The following NTNG2 variants were observed in gnomAD, a reference collection of about 807,000 sequenced individuals.
NTNG2 encodes netrin-G2.
Under a neutral mutation model 47.6 loss-of-function variants are expected in NTNG2, and 15 were observed. The ratio of observed to expected loss-of-function variants is 0.32; its 90% confidence interval spans 0.21 to 0.49. NTNG2 has a LOEUF of 0.49. Among genes scored for constraint, NTNG2 ranks in the 20% least tolerant of loss-of-function variants. The pLI, the probability that NTNG2 is intolerant of heterozygous loss-of-function variation, is 0.99. For synonymous variants in NTNG2, 307 were observed against 324.6 expected (o/e 0.95, Z 0.58); for missense variants, 578 against 764.6 (o/e 0.76, Z 2.88).
In NTNG2 at chr9:132,208,184, G is replaced by T. The variant is rs1051177429; in HGVS notation, c.857+9575G>T. Among the ~76,000 whole-genome samples, 1 of 152,028 alleles carries T rather than the reference G, an allele frequency of 6.6e-6. No homozygotes were observed. Among genetic ancestry groups the T allele is most frequent in the Non-Finnish European group, 1.5e-5 (1 of 67,990 alleles). ...GGGGTCAGGGAAGGCCCTCCAGGGAGGGGGGCTTTGAAGGAGAAACCTGAA... is the reference window on the plus strand; with the variant it reads ...GGGGTCAGGGAAGGCCCTCCAGGGATGGGGGCTTTGAAGGAGAAACCTGAA... On this transcript the variant is annotated intron_variant, in intron 3 of 7. Transcript: ENST00000393229. The surrounding 1 kb of genome is among the most constrained non-coding windows in gnomAD (Gnocchi z 4.0).
Position 132,231,519 on chromosome 9 carries a change from G to A in NTNG2, c.1054+924G>A. 2.8e-6 allele frequency: 1 copy of A among 354,906 alleles called. No homozygotes were observed. The highest frequency in any genetic ancestry group is 5.6e-6 in the Non-Finnish European group (1 of 179,606). The allele number at this position is 354,906 out of a possible 1,614,324, so 22.0% of individuals were successfully genotyped here. On this transcript the variant is annotated intron_variant, in intron 5 of 7. Coordinates refer to ENST00000393229, the MANE Select transcript of NTNG2 (RefSeq NM_032536.4). The surrounding 1 kb of genome is among the most constrained non-coding windows in gnomAD (Gnocchi z 4.1). Reference sequence around the variant, plus strand: ...GCTGGGAAGCCAGTGAGCCGAGAGGGCGCCAGAAAGAAGCTGGACCCTGCA... The same window carrying A: ...GCTGGGAAGCCAGTGAGCCGAGAGGACGCCAGAAAGAAGCTGGACCCTGCA...
intron 3 of NTNG2, among the ~76,000 whole-genome samples, chr9:132,224,838 C>T (rs1272608994): frequency 6.6e-6 from 1 of 152,206 alleles, no homozygotes; most frequent in African/African-American, 2.4e-5. Context: ...ACTGCAGTTA[C>T]CAACTAGTGA....
intron 3 of NTNG2, among the ~76,000 whole-genome samples, chr9:132,209,817 G>A (rs1054364651): frequency 1.5e-4 from 23 of 151,414 alleles, no homozygotes; most frequent in African/African-American, 5.6e-4. Flanking sequence ...GCTGCTGGGG[G>A]AATGGGGAGG....
chr9:132,199,465 G>A (rs1838575992), intron 3 of NTNG2, among the ~76,000 whole-genome samples: 3 of 152,222 alleles, frequency 2.0e-5, no homozygotes, highest in Non-Finnish European at 4.4e-5. Context: ...TCCCAGTGGG[G>A]TTGTGCAGGC....
At chr9:132,195,474 A>ATTTT (rs56733654) in intron 2 of NTNG2, among the ~76,000 whole-genome samples, 4 of 80,130 alleles carry the variant, frequency 5.0e-5, no homozygotes, top group East Asian at 3.4e-4. Flanking sequence ...ACGCCTGGCT[A>ATTTT]TTTTTTTTTT....
At chr9:132,164,549 A>G (rs1281334269) in intron 1 of NTNG2, among the ~76,000 whole-genome samples, 1 of 152,262 alleles carries the variant, frequency 6.6e-6, no homozygotes, top group Admixed American at 6.5e-5. Context: ...TGCTCTGGGC[A>G]GCGCGAGCTC....
intron 4 of NTNG2, among the ~76,000 whole-genome samples, chr9:132,227,635 A>T (rs1360341181): frequency 6.6e-6 from 1 of 151,986 alleles, no homozygotes; most frequent in African/African-American, 2.4e-5. Context: ...CTTTTTACAG[A>T]TGTGTCCTCT....
Position 132,202,464 on chromosome 9 carries a change from G to A in NTNG2, c.857+3855G>A, listed in dbSNP as rs116829490. Among the ~76,000 whole-genome samples the A allele has an allele frequency of 5.0e-3, 762 of 152,304 alleles. 2 individuals are homozygous for A. Among genetic ancestry groups the A allele is most frequent in the Non-Finnish European group, 8.6e-3 (588 of 68,002 alleles). On this transcript the variant is annotated intron_variant, in intron 3 of 7. Coordinates refer to ENST00000393229, the MANE Select transcript of NTNG2 (RefSeq NM_032536.4). ...ACAGGCACCCGCAAGTCCCAGCCAC[G>A]CCCCCTCCCTGCCTCCCGCGGAGCC... is the stretch of plus-strand genomic sequence containing the variant.
At chr9:132,164,909 C>T (rs1396333347) in intron 1 of NTNG2, among the ~76,000 whole-genome samples, 1 of 152,204 alleles carries the variant, frequency 6.6e-6, no homozygotes, top group Non-Finnish European at 1.5e-5. Flanking sequence ...AGCAAGTGTC[C>T]GCCACTTCGG....
intron 2 of NTNG2, among the ~76,000 whole-genome samples, chr9:132,195,362 G>A (rs542810604): frequency 3.5e-4 from 53 of 152,152 alleles, no homozygotes; most frequent in South Asian, 3.3e-3. Context: ...AGGCTGGAGC[G>A]CAGTGGCGCG....
intron 3 of NTNG2, among the ~76,000 whole-genome samples, chr9:132,211,729 C>A (rs1445515543): frequency 6.6e-6 from 1 of 152,172 alleles, no homozygotes; most frequent in Non-Finnish European, 1.5e-5. Flanking sequence ...CCTCGGTCCC[C>A]TTCTCCAGCC....
At chr9:132,188,236 T>C (rs1235661715) in intron 2 of NTNG2, among the ~76,000 whole-genome samples, 2 of 152,154 alleles carry the variant, frequency 1.3e-5, no homozygotes, top group African/African-American at 4.8e-5. Context: ...CCTTCCACCT[T>C]GTATGCGGCA....
At chr9:132,241,332 G>C (rs2131058721) in intron 7 of NTNG2, 3 of 495,322 alleles carry the variant, frequency 6.1e-6, no homozygotes. Context: ...GGGGGCGGTG[G>C]ACGGGGCCTA....
rs2130857760 is a variant in NTNG2 at position 132,215,408 on chromosome 9, C to G, written c.858-11441C>G. 6.6e-6 allele frequency among the ~76,000 whole-genome samples: 1 copy of G among 152,138 alleles called. No individual in the cohort carries two copies. Among genetic ancestry groups the G allele is most frequent in the South Asian group, 2.1e-4 (1 of 4,814 alleles). ...CCAGCCTGGCCAACGTGGTGAAACC[C>G]CATCTCTACTAAAATACTAAAATTA... On this transcript the variant is annotated intron_variant, in intron 3 of 7. Transcript: ENST00000393229. The surrounding 1 kb of genome is among the most constrained non-coding windows in gnomAD (Gnocchi z 4.2).
intron 3 of NTNG2, among the ~76,000 whole-genome samples, 173 bp downstream of exon 3, chr9:132,198,782 C>T (rs1838520153): frequency 6.6e-6 from 1 of 151,838 alleles, no homozygotes; most frequent in Non-Finnish European, 1.5e-5. Flanking sequence ...TACCTGGTTC[C>T]CCGGGGGTTA....
Position 132,218,986 on chromosome 9 carries a change from G to T in NTNG2, c.858-7863G>T, listed in dbSNP as rs147778375. ...CCACACATGTAAAGCGTACAATTCA[G>T]TCGCTTTTAGGTTATTCACAGAGTT... is the stretch of plus-strand genomic sequence containing the variant. On this transcript the variant is annotated intron_variant, in intron 3 of 7. Transcript: ENST00000393229. This position sits in a 1 kb window ranked among gnomAD's most constrained non-coding sequence, Gnocchi z 5.4. Among the ~76,000 whole-genome samples the T allele has an allele frequency of 3.3e-4, 50 of 152,268 alleles. No individual in the cohort carries two copies. The highest frequency in any genetic ancestry group is 1.1e-3 in the African/African-American group (46 of 41,534).
At chr9:132,191,605 C>A (rs959725142) in intron 2 of NTNG2, among the ~76,000 whole-genome samples, 1 of 152,028 alleles carries the variant, frequency 6.6e-6, no homozygotes, top group African/African-American at 2.4e-5. Context: ...GCTCTGTCGC[C>A]CAGGCTGGAG....
At chr9:132,172,750 G>A (rs1589368377) in intron 2 of NTNG2, among the ~76,000 whole-genome samples, 1 of 113,498 alleles carries the variant, frequency 8.8e-6, no homozygotes, top group African/African-American at 3.8e-5. Context: ...TTTTTTTGGA[G>A]TCAAAGTCTC....
At chr9:132,203,062 A>C (rs1045998761) in intron 3 of NTNG2, among the ~76,000 whole-genome samples, 1 of 152,202 alleles carries the variant, frequency 6.6e-6, no homozygotes, top group South Asian at 2.1e-4. Flanking sequence ...GCTTGGGGTC[A>C]GGGCTGCCTA....
Sources: gnomAD v4.1 joint callset for allele counts (sites outside exome capture counted in the v4.1 genomes callset) on GRCh38, gnomAD v4.1.1 for gene constraint, Gnocchi (gnomAD v3.1) non-coding constraint, MANE v1.5 for transcripts, NCBI Gene and HGNC (gene_info 2026-07-23, HGNC 2026-07-21) for gene names.